Variants in MYRIP observed in about 807,000 individuals in gnomAD.
MYRIP encodes myosin VIIA and Rab interacting protein, also known as rab effector MyRIP.
MYRIP carries 49 observed loss-of-function variants against 98.0 expected under a neutral mutation model. That is an observed-to-expected ratio of 0.50 (90% CI 0.40 to 0.63). The LOEUF (loss-of-function observed/expected upper bound fraction) is 0.63. Among genes scored for constraint, MYRIP ranks in the 30% least tolerant of loss-of-function variants. MYRIP has a pLI of 0.00. For missense variants in MYRIP, 1,004 were observed against 1,058.2 expected (o/e 0.95, Z 0.71); for synonymous variants, 404 against 409.5 (o/e 0.99, Z 0.16).
intron 3 of MYRIP, among the ~76,000 whole-genome samples, chr3:40,070,099 G>A (rs1487027998): frequency 6.6e-6 from 1 of 152,036 alleles, no homozygotes; most frequent in Non-Finnish European, 1.5e-5. Flanking sequence ...TCAGACATTG[G>A]ACCACACATT....
At chr3:39,828,018 C>T (rs1196227333) in intron 1 of MYRIP, among the ~76,000 whole-genome samples, 1 of 151,738 alleles carries the variant, frequency 6.6e-6, no homozygotes, top group Non-Finnish European at 1.5e-5. Context: ...TTTTAGAATT[C>T]GTTGTCTTAG....
intron 2 of MYRIP, among the ~76,000 whole-genome samples, chr3:39,934,587 G>A (rs542624598): frequency 6.6e-6 from 1 of 152,236 alleles, no homozygotes; most frequent in African/African-American, 2.4e-5. Context: ...TCCTTCTTTA[G>A]TTTTGCATGC....
intron 1 of MYRIP, among the ~76,000 whole-genome samples, chr3:39,889,927 G>C (rs1022172844): frequency 4.6e-5 from 7 of 151,972 alleles, no homozygotes; most frequent in Admixed American, 4.6e-4. Flanking sequence ...TCCACACCAG[G>C]ATAATTCCAA....
At chr3:39,875,274 A>T (rs888559516) in intron 1 of MYRIP, among the ~76,000 whole-genome samples, 1 of 151,748 alleles carries the variant, frequency 6.6e-6, no homozygotes, top group African/African-American at 2.4e-5. Context: ...AATTTTGTTG[A>T]TCCTTTCAAA....
intron 3 of MYRIP, among the ~76,000 whole-genome samples, chr3:40,110,908 G>A (rs1025855593): frequency 4.0e-5 from 6 of 151,664 alleles, no homozygotes; most frequent in African/African-American, 1.5e-4. Context: ...GTGTGTGTGT[G>A]TGTGTGTGTG....
At chr3:40,066,847 A>G (rs1001735886) in intron 3 of MYRIP, among the ~76,000 whole-genome samples, 1 of 152,184 alleles carries the variant, frequency 6.6e-6, no homozygotes. Flanking sequence ...GCACAATCTT[A>G]CCAACTGTCC....
chr3:39,996,017 G>C (rs1038119560), intron 2 of MYRIP, among the ~76,000 whole-genome samples: 1 of 152,092 alleles, frequency 6.6e-6, no homozygotes, highest in African/African-American at 2.4e-5. Context: ...TGCCATACAA[G>C]AGCTCCTGAA....
At chr3:40,032,354 C>G (rs1329175127) in intron 2 of MYRIP, among the ~76,000 whole-genome samples, 2 of 152,076 alleles carry the variant, frequency 1.3e-5, no homozygotes, top group Non-Finnish European at 2.9e-5. Flanking sequence ...GTTTCTTAAT[C>G]CTGAGTTCTA....
chr3:40,160,176 TG>T (rs1950350927), intron 4 of MYRIP, among the ~76,000 whole-genome samples: 1 of 152,236 alleles, frequency 6.6e-6, no homozygotes, highest in African/African-American at 2.4e-5. Flanking sequence ...GTTTTTGGTG[TG>T]GATATCCTTT....
At chr3:39,995,965 T>C (rs932212760) in intron 2 of MYRIP, among the ~76,000 whole-genome samples, 3 of 152,140 alleles carry the variant, frequency 2.0e-5, no homozygotes, top group African/African-American at 7.2e-5. Context: ...TAAAATCCTT[T>C]ACAGACAAGC....
At chr3:39,972,725 G>A (rs942381741) in intron 2 of MYRIP, among the ~76,000 whole-genome samples, 2 of 152,006 alleles carry the variant, frequency 1.3e-5, no homozygotes, top group Non-Finnish European at 2.9e-5. Flanking sequence ...AGAAACAGGT[G>A]TTGCACTCAC....
chr3:39,872,176 G>C (rs888084293), intron 1 of MYRIP, among the ~76,000 whole-genome samples: 2 of 151,918 alleles, frequency 1.3e-5, no homozygotes, highest in African/African-American at 2.4e-5. Flanking sequence ...TGATTATAAA[G>C]TTAATGAATA....
intron 1 of MYRIP, among the ~76,000 whole-genome samples, chr3:39,855,200 T>TA (rs1553639606): frequency 6.6e-6 from 1 of 152,130 alleles, no homozygotes; most frequent in Non-Finnish European, 1.5e-5. Flanking sequence ...GGAAATTAGG[T>TA]ATTGTCTTCT....
Position 40,044,156 on chromosome 3 carries a change from T to C in MYRIP, c.217T>C (p.Phe73Leu). ...CATGCGCTGCTGCTCGCCCTTCACC[T>C]TCCTCGTCAACACCAAGCGCCAGTG... The part of the protein sequence containing the change: ...CCMRCCSPFT[F>L]LVNTKRQCGD... Residue 73 changes from phenylalanine (F) to leucine (L), a missense_variant, in exon 3 of 17, where the codon TTC (phenylalanine) becomes CTC (leucine). Physicochemically the swap from Phe to Leu is conservative, Grantham distance 22. Transcript: ENST00000302541. The C allele has an allele frequency of 6.2e-7, 1 of 1,614,154 alleles. No individual in the cohort carries two copies. Among genetic ancestry groups the C allele is most frequent in the Non-Finnish European group, 8.5e-7 (1 of 1,180,006 alleles).
intron 1 of MYRIP, among the ~76,000 whole-genome samples, chr3:39,886,824 T>C (rs530380618): frequency 7.3e-4 from 110 of 151,574 alleles, no homozygotes; most frequent in African/African-American, 2.3e-3. Context: ...GAACTCAGCT[T>C]TGCACCAAGC....
intron 2 of MYRIP, among the ~76,000 whole-genome samples, chr3:39,966,995 GA>G (rs1217133186): frequency 1.3e-5 from 2 of 152,176 alleles, no homozygotes; most frequent in African/African-American, 4.8e-5. Flanking sequence ...ATGTGAACCT[GA>G]ACAAGCTATG....
At chr3:40,181,161 T>A (rs752454139) in intron 8 of MYRIP, among the ~76,000 whole-genome samples, 12 of 151,118 alleles carry the variant, frequency 7.9e-5, no homozygotes, top group Non-Finnish European at 1.8e-4. Context: ...CAGGGCAAGA[T>A]TAAGTTTCCA....
intron 2 of MYRIP, among the ~76,000 whole-genome samples, chr3:39,918,541 G>T (rs1241731203): frequency 2.6e-5 from 4 of 152,158 alleles, no homozygotes; most frequent in African/African-American, 9.7e-5. Flanking sequence ...CTGTGCCATT[G>T]CTTCATTCTA....
intron 2 of MYRIP, among the ~76,000 whole-genome samples, chr3:39,917,682 T>C (rs933346182): frequency 3.3e-5 from 5 of 151,306 alleles, no homozygotes; most frequent in Admixed American, 6.6e-5. Context: ...ATAGATTAGC[T>C]GCCTTCTTTA....
Sources: gnomAD v4.1 joint callset for allele counts (sites outside exome capture counted in the v4.1 genomes callset) on GRCh38, gnomAD v4.1.1 for gene constraint, MANE v1.5 for transcripts, NCBI Gene and HGNC (gene_info 2026-07-23, HGNC 2026-07-21) for gene names.